KCNMA1: variants seen among roughly 807,000 people sequenced by gnomAD.
KCNMA1 encodes potassium calcium-activated channel subfamily M alpha 1.
In KCNMA1, 29 loss-of-function variants were observed where a neutral mutation model predicts 140.0. The ratio of observed to expected loss-of-function variants is 0.21; its 90% CI spans 0.15 to 0.28. The LOEUF (loss-of-function observed/expected upper bound fraction) is 0.28, where lower values mean the gene tolerates loss of function less well. Ranked by LOEUF, KCNMA1 falls within the 10% of genes least tolerant of loss-of-function variation. KCNMA1 has a pLI of 1.00. For missense variants in KCNMA1, 880 were observed against 1,602.2 expected, an observed-to-expected ratio of 0.55 and a Z score of 7.70; for synonymous variants, 612 against 611.9, an observed-to-expected ratio of 1.00 and a Z score of 0.00.
At chr10:77,067,810 C>T (rs992356109) in intron 14 of KCNMA1, among the ~76,000 whole-genome samples, 1 of 152,156 alleles carries the variant, frequency 6.6e-6, no homozygotes, top group African/African-American at 2.4e-5. Flanking sequence ...CAAACATGTG[C>T]CCATACATCC....
intron 23 of KCNMA1, 138 bp from the exon 24 acceptor site, chr10:76,915,187 A>T: frequency 1.5e-6 from 1 of 665,274 alleles, no homozygotes; most frequent in Admixed American, 2.1e-5. Context: ...TATTCCCGGG[A>T]TAAACTCTGA....
intron 21 of KCNMA1, 131 bp downstream of exon 21, chr10:76,953,670 A>T: frequency 9.1e-7 from 1 of 1,098,520 alleles, no homozygotes; most frequent in Non-Finnish European, 1.4e-6. Context: ...CTATGCTCAG[A>T]ATTTCACTCA....
At chr10:77,112,879 T>A (rs2097359854) in intron 6 of KCNMA1, among the ~76,000 whole-genome samples, 1 of 150,716 alleles carries the variant, frequency 6.6e-6, no homozygotes, top group South Asian at 2.2e-4. Flanking sequence ...CATTTACCAA[T>A]AAATCAGAGA....
chr10:77,512,704 G>A (rs1388871944), intron 1 of KCNMA1, among the ~76,000 whole-genome samples: 1 of 152,146 alleles, frequency 6.6e-6, no homozygotes, highest in Non-Finnish European at 1.5e-5. Context: ...AAGGAGATTA[G>A]GGCACAGACT....
intron 2 of KCNMA1, among the ~76,000 whole-genome samples, chr10:77,378,493 G>C (rs1788130489): frequency 6.6e-6 from 1 of 152,208 alleles, no homozygotes; most frequent in Admixed American, 6.5e-5. Context: ...AATGGACAGT[G>C]GGATGTCTCT....
intron 2 of KCNMA1, among the ~76,000 whole-genome samples, chr10:77,314,930 AC>A: frequency 4.5e-5 from 1 of 22,404 alleles, no homozygotes; most frequent in South Asian, 1.3e-3. Context: ...CCCAACACAC[AC>A]ACACACACAC....
chr10:77,093,383 T>A (rs759435090), intron 9 of KCNMA1, among the ~76,000 whole-genome samples: 5 of 152,180 alleles, frequency 3.3e-5, no homozygotes, highest in Admixed American at 6.5e-5. Context: ...TATATCTGAT[T>A]TGAAGATTTA....
chr10:77,271,514 C>A (rs2065135708), intron 2 of KCNMA1, among the ~76,000 whole-genome samples: 1 of 152,172 alleles, frequency 6.6e-6, no homozygotes, highest in Admixed American at 6.5e-5. Flanking sequence ...AGGCTCAGTT[C>A]CTGCCTCTGA....
chr10:77,111,551 C>G (rs2097324351), intron 7 of KCNMA1, among the ~76,000 whole-genome samples: 1 of 152,206 alleles, frequency 6.6e-6, no homozygotes, highest in Admixed American at 6.5e-5. Context: ...GCATTAAGGG[C>G]TGGGCAGGAG....
At chr10:77,450,771 A>G (rs1385951277) in intron 1 of KCNMA1, among the ~76,000 whole-genome samples, 2 of 152,352 alleles carry the variant, frequency 1.3e-5, no homozygotes, top group South Asian at 2.1e-4. Flanking sequence ...GGAGGTTACC[A>G]AAGTAGTAGA....
chr10:77,163,353 A>G (rs2098593606), intron 5 of KCNMA1, among the ~76,000 whole-genome samples: 1 of 152,158 alleles, frequency 6.6e-6, no homozygotes, highest in Non-Finnish European at 1.5e-5. Flanking sequence ...GCAGAGTTGA[A>G]TGGTGGTGGT....
chr10:76,877,868 T>C, exon 30 of KCNMA1: 1 of 1,610,676 alleles, frequency 6.2e-7, no homozygotes, highest in South Asian at 1.1e-5. Flanking sequence ...CATTATCCGG[T>C]TCATCTGTAA....
chr10:77,302,743 T>C (rs2076823157), intron 2 of KCNMA1, among the ~76,000 whole-genome samples: 1 of 152,056 alleles, frequency 6.6e-6, no homozygotes, highest in Admixed American at 6.5e-5. Context: ...AGGGGATGGA[T>C]ACTGATTGGT....
In KCNMA1 at chr10:76,941,108, G is replaced by A. The variant is rs1367651110; in HGVS notation, c.2902+3665C>T. Among the ~76,000 whole-genome samples, 194 of 61,498 alleles carry A rather than the reference G, an allele frequency of 3.2e-3. 3 individuals carry two copies. The highest frequency in any genetic ancestry group is 0.01 in the African/African-American group (157 of 15,574). The allele number at this position is 61,498 out of a possible 152,430, so 40.3% of individuals were successfully genotyped here. Reference sequence around the variant, plus strand: ...AAGAGAAAGAAAGAAAGAAGGGAGGGAGGGAGGGAGGGAAGGGAAGGGAAG... The same window carrying A: ...AAGAGAAAGAAAGAAAGAAGGGAGGAAGGGAGGGAGGGAAGGGAAGGGAAG... On this transcript the variant is annotated intron_variant, in intron 23 of 27. Coordinates refer to ENST00000286628, the MANE Select transcript of KCNMA1 (RefSeq NM_001161352.2).
intron 3 of KCNMA1, among the ~76,000 whole-genome samples, chr10:77,225,741 A>G (rs145670380): frequency 4.0e-4 from 61 of 152,326 alleles, no homozygotes; most frequent in African/African-American, 1.4e-3. Flanking sequence ...ACTGGGAGCT[A>G]GCAGGCACCA....
At chr10:76,943,259 T>G (rs2063059907) in intron 23 of KCNMA1, among the ~76,000 whole-genome samples, 1 of 152,172 alleles carries the variant, frequency 6.6e-6, no homozygotes, top group Admixed American at 6.5e-5. Flanking sequence ...TCCTAGGCCT[T>G]CACATGTTGT....
intron 2 of KCNMA1, among the ~76,000 whole-genome samples, chr10:77,375,934 C>A (rs531965371): frequency 2.0e-5 from 3 of 152,338 alleles, no homozygotes; most frequent in African/African-American, 7.2e-5. Context: ...AGTCCTGCTG[C>A]CTTCCCCTCC....
chr10:77,053,407 T>C (rs1293395216), intron 14 of KCNMA1, among the ~76,000 whole-genome samples: 1 of 152,180 alleles, frequency 6.6e-6, no homozygotes, highest in Non-Finnish European at 1.5e-5. Flanking sequence ...TTCTCACCTA[T>C]CCATGCAGAC....
At chr10:77,508,603 AG>A (rs1158479226) in intron 1 of KCNMA1, among the ~76,000 whole-genome samples, 1 of 54,926 alleles carries the variant, frequency 1.8e-5, no homozygotes, top group Non-Finnish European at 3.1e-5. Context: ...TTTTTTGTAG[AG>A]GTGCTCTCTC....
Sources: gnomAD v4.1 joint callset for allele counts (sites outside exome capture counted in the v4.1 genomes callset) on GRCh38, gnomAD v4.1.1 for gene constraint, MANE v1.5 for transcripts, NCBI Gene and HGNC (gene_info 2026-07-23, HGNC 2026-07-21) for gene names.